GCN1: variants seen among roughly 807,000 people sequenced by gnomAD.
The protein encoded by GCN1 is GCN1 activator of EIF2AK4.
Under a neutral mutation model 288.4 loss-of-function variants are expected in GCN1, and 90 were observed. That is an observed-to-expected ratio of 0.31 (90% confidence interval 0.26 to 0.37). The LOEUF is 0.37. GCN1 is among the 10% of genes least tolerant of loss of function. GCN1 has a pLI of 1.00. For synonymous variants in GCN1, 1,386 were observed against 1,420.2 expected (o/e 0.98, Z 0.54); for missense variants, 2,586 against 3,419.9 (o/e 0.76, Z 6.08).
Position 120,160,228 on chromosome 12 carries a change from CTT to C in GCN1, c.2462_2463del (p.Lys821ArgfsTer91), listed in dbSNP as rs775760259. The C allele has an allele frequency of 6.2e-7, 1 of 1,612,138 alleles. No individual in the cohort carries two copies. Among genetic ancestry groups the C allele is most frequent in the African/African-American group, 1.3e-5 (1 of 74,932 alleles). Reference protein sequence around the residue: ...KEEIKKKKGIKEEVQLTSKQK... With the variant: ...KEEIKKKKGIXEEVQLTSKQK... ...TGCTTGCTGGTCAGCTGCACCTCCT[CTT>C]TGATGCCTTTCTTCTTCTTTATCTC... On this transcript the variant is annotated frameshift_variant, in exon 23 of 58. Coordinates refer to ENST00000300648, the MANE Select transcript of GCN1 (RefSeq NM_006836.2). LOFTEE classifies it high-confidence loss of function.
intron 2 of GCN1, among the ~76,000 whole-genome samples, chr12:120,187,170 A>C (rs1878846922): frequency 6.6e-6 from 1 of 152,086 alleles, no homozygotes; most frequent in Admixed American, 6.6e-5. Flanking sequence ...TAGGAAGTAA[A>C]AGTGGACAGA....
chr12:120,158,312 T>C lies in GCN1; in HGVS notation c.2905+148A>G. 1.4e-6 allele frequency: 1 copy of C among 723,688 alleles called. No individual in the cohort carries two copies. The highest frequency in any genetic ancestry group is 2.2e-6 in the Non-Finnish European group (1 of 449,402). 44.8% of individuals were successfully genotyped at this position (723,688 alleles called of 1,614,324 possible). Reference sequence around the variant, plus strand: ...AAACCCTCAACTGGGCTCACTGCAATTCACAGACTACGAAGGTTCAATTCA... The same window carrying C: ...AAACCCTCAACTGGGCTCACTGCAACTCACAGACTACGAAGGTTCAATTCA... On this transcript the variant is annotated intron_variant, in intron 25 of 57. Coordinates refer to ENST00000300648, the MANE Select transcript of GCN1 (RefSeq NM_006836.2). This position sits in a 1 kb window ranked among gnomAD's most constrained non-coding sequence, Gnocchi z 4.3.
At chr12:120,192,339 G>C (rs1397983661) in intron 1 of GCN1, among the ~76,000 whole-genome samples, 1 of 152,134 alleles carries the variant, frequency 6.6e-6, no homozygotes, top group Non-Finnish European at 1.5e-5. Context: ...CTTGTGTTTG[G>C]GTGAAGCACA....
chr12:120,145,233 G>T, intron 39 of GCN1, 29 bp downstream of exon 39: 1 of 1,573,228 alleles, frequency 6.4e-7, no homozygotes, highest in Non-Finnish European at 8.7e-7. Context: ...GAGGGGCCTG[G>T]CCCATCCCCC....
In GCN1 at chr12:120,149,726, G is replaced by A. The variant is rs777637861; in HGVS notation, c.4432-6C>T. ...TTGGCACAGTCATCTGCAGCCTCAA[G>A]GGGGGAGAAAACACATTCAGGGGCC... On this transcript the variant is annotated splice_region_variant and splice_polypyrimidine_tract_variant and intron_variant, in intron 35 of 57. Transcript: ENST00000300648. The A allele has an allele frequency of 1.9e-6, 3 of 1,610,318 alleles. No individual in the cohort carries two copies. In the South Asian group the frequency reaches 3.3e-5, roughly 18 times the overall value.
chr12:120,154,404 C>A (rs1424202575), intron 31 of GCN1, among the ~76,000 whole-genome samples: 1 of 152,218 alleles, frequency 6.6e-6, no homozygotes, highest in African/African-American at 2.4e-5. Flanking sequence ...CAAGGCCTCA[C>A]GGGAGTGGAC....
intron 38 of GCN1, among the ~76,000 whole-genome samples, chr12:120,145,867 TTGAGA>T (rs1877344768): frequency 6.6e-6 from 1 of 152,224 alleles, no homozygotes; most frequent in South Asian, 2.1e-4. Context: ...TATAAACTTG[TTGAGA>T]TATTATGTAA....
intron 14 of GCN1, among the ~76,000 whole-genome samples, chr12:120,171,433 C>G (rs1878311155): frequency 6.6e-6 from 1 of 152,164 alleles, no homozygotes; most frequent in Admixed American, 6.5e-5. Flanking sequence ...CACCACTACA[C>G]TACAGCCTGG....
chr12:120,194,079 C>T (rs2136122750), intron 1 of GCN1, among the ~76,000 whole-genome samples: 1 of 152,378 alleles, frequency 6.6e-6, no homozygotes, highest in East Asian at 1.9e-4. Flanking sequence ...GATCTGATAA[C>T]AACCAACATA....
In GCN1 at chr12:120,153,372, C is replaced by T; in HGVS notation, c.3903G>A (p.Glu1301=). ...NVNSLLPVFE[E]FLKNAPNDAS... ...CATCATTGGGCGCGTTCTTCAGGAA[C>T]TCCTCGAATACTGGCAACAGCGAGT... The change falls in exon 33 of 58, where the codon GAG becomes GAA. Residue 1301 remains glutamate (E), a synonymous_variant. Transcript: ENST00000300648. This position sits in a 1 kb window ranked among gnomAD's most constrained non-coding sequence, Gnocchi z 4.4. 2 of 1,614,228 alleles carry T rather than the reference C, an allele frequency of 1.2e-6. No individual in the cohort carries two copies. The highest frequency in any genetic ancestry group is 1.1e-5 in the South Asian group (1 of 91,084).
intron 9 of GCN1, among the ~76,000 whole-genome samples, chr12:120,177,117 C>T (rs1878504008): frequency 6.6e-6 from 1 of 152,072 alleles, no homozygotes; most frequent in South Asian, 2.1e-4. Context: ...GGATAGAGTG[C>T]AGTGTCGCCA....
chr12:120,163,317 G>T, intron 18 of GCN1, 58 bp from the exon 19 acceptor site: 1 of 1,396,894 alleles, frequency 7.2e-7, no homozygotes, highest in Non-Finnish European at 1.0e-6. Context: ...TTGGAACACA[G>T]GAACCAAATA....
At chr12:120,187,887 G>GAAA (rs537567748) in intron 2 of GCN1, among the ~76,000 whole-genome samples, 1 of 99,622 alleles carries the variant, frequency 1.0e-5, no homozygotes, top group African/African-American at 3.8e-5. Context: ...CAAAAGAAAT[G>GAAA]AAAAAAAAAA....
At position 120,156,223 on chromosome 12, in the gene GCN1, G is replaced by T. The variant is rs1361603412; in HGVS notation, c.3312+238C>A. On this transcript the variant is annotated intron_variant, in intron 28 of 57. Coordinates refer to ENST00000300648, the MANE Select transcript of GCN1 (RefSeq NM_006836.2). The surrounding 1 kb of genome is among the most constrained non-coding windows in gnomAD (Gnocchi z 5.8). The stretch of plus-strand genomic sequence containing the variant: ...TAGCTCTGTCCGTGGAAGTACCAAG[G>T]TCCACATTCCAGTTTAAAAATTAAG... 6.6e-6 allele frequency among the ~76,000 whole-genome samples: 1 copy of T among 152,164 alleles called. No individual in the cohort carries two copies. Among genetic ancestry groups the T allele is most frequent in the Non-Finnish European group, 1.5e-5 (1 of 68,030 alleles).
In GCN1 at chr12:120,134,409, C is replaced by A; in HGVS notation, c.7203-4G>T. The A allele has an allele frequency of 6.2e-7, 1 of 1,610,098 alleles. No homozygotes were observed. The highest frequency in any genetic ancestry group is 8.5e-7 in the Non-Finnish European group (1 of 1,176,476). On this transcript the variant is annotated splice_polypyrimidine_tract_variant and splice_region_variant and intron_variant, in intron 52 of 57. Coordinates refer to ENST00000300648, the MANE Select transcript of GCN1 (RefSeq NM_006836.2). This position sits in a 1 kb window ranked among gnomAD's most constrained non-coding sequence, Gnocchi z 5.0. ...CAGGGCCTGCAGCATGGTGTCCCTG[C>A]AGAAGCAATGCACCGCCTTAAGCCC...
At chr12:120,161,658 A>AT (rs1877931381) in intron 21 of GCN1, 75 bp from the exon 22 acceptor site, 1 of 1,118,758 alleles carries the variant, frequency 8.9e-7, no homozygotes, top group African/African-American at 1.5e-5. Context: ...CAGCCATGCA[A>AT]TTCCAACTAG....
chr12:120,169,923 T>A (rs887005852), intron 15 of GCN1, among the ~76,000 whole-genome samples: 5 of 152,218 alleles, frequency 3.3e-5, no homozygotes, highest in African/African-American at 1.2e-4. Context: ...CCCTGGTCCA[T>A]CTAGGTATCA....
intron 53 of GCN1, 48 bp from the exon 54 acceptor site, chr12:120,132,070 C>G: frequency 7.9e-7 from 1 of 1,264,874 alleles, no homozygotes; most frequent in Non-Finnish European, 1.1e-6. Context: ...ACAACACCAG[C>G]TGTGTGGGAA....
Position 120,148,230 on chromosome 12 carries a change from G to C in GCN1, c.4663C>G (p.Gln1555Glu), listed in dbSNP as rs1306317362. 1 of 1,614,100 alleles carries C rather than the reference G, an allele frequency of 6.2e-7. No individual in the cohort carries two copies. Among genetic ancestry groups the C allele is most frequent in the Non-Finnish European group, 8.5e-7 (1 of 1,179,986 alleles). ...CTGAGCGCCTGCTGTCCAGCCTTCT[G>C]GACTTTGACATGGGAGTCGGTCAGC... The part of the protein sequence containing the change: ...EVLTDSHVKV[Q>E]KAGQQALRQI... The change falls in exon 37 of 58, where the codon CAG (glutamine) becomes GAG (glutamate). Residue 1555 changes from glutamine to glutamate, a missense_variant. By Grantham distance (29) the Gln-to-Glu change is conservative (BLOSUM62 2). Transcript: ENST00000300648.
Sources: gnomAD v4.1 joint callset for allele counts (sites outside exome capture counted in the v4.1 genomes callset) on GRCh38, gnomAD v4.1.1 for gene constraint, Gnocchi (gnomAD v3.1) non-coding constraint, MANE v1.5 for transcripts, NCBI Gene and HGNC (gene_info 2026-07-23, HGNC 2026-07-21) for gene names.